The following STK4 variants were observed in gnomAD, a reference collection of about 807,000 sequenced individuals.
STK4 encodes the protein serine/threonine kinase 4.
In STK4, 30 loss-of-function variants were observed where a neutral mutation model predicts 64.9. That is an observed-to-expected ratio of 0.46 (90% confidence interval 0.35 to 0.63). STK4 has a LOEUF of 0.63. STK4 is among the 20% of genes least tolerant of loss of function. STK4 has a pLI of 0.01. For missense variants in STK4, 466 were observed against 598.5 expected, an observed-to-expected ratio of 0.78 and a Z score of 2.31; for synonymous variants, 177 against 199.0, an observed-to-expected ratio of 0.89 and a Z score of 0.93.
intron 1 of STK4, among the ~76,000 whole-genome samples, chr20:44,969,900 G>T (rs1461124485): frequency 6.6e-6 from 1 of 152,096 alleles, no homozygotes; most frequent in Non-Finnish European, 1.5e-5. Context: ...TACTTCTTAG[G>T]TGAAATTCTG....
At chr20:44,969,048 C>T (rs2067201874) in intron 1 of STK4, among the ~76,000 whole-genome samples, 1 of 152,042 alleles carries the variant, frequency 6.6e-6, no homozygotes, top group African/African-American at 2.4e-5. Context: ...TCCTTCTGTA[C>T]CTGTCAGTGT....
intron 7 of STK4, among the ~76,000 whole-genome samples, chr20:44,998,840 G>A (rs1166780988): frequency 6.6e-6 from 1 of 152,164 alleles, no homozygotes; most frequent in Non-Finnish European, 1.5e-5. Context: ...GGAGGCTGAG[G>A]CAGGCGGATC....
intron 10 of STK4, among the ~76,000 whole-genome samples, chr20:45,069,614 TA>T (rs1979883771): frequency 1.3e-5 from 2 of 152,228 alleles, no homozygotes; most frequent in African/African-American, 4.8e-5. Flanking sequence ...CTTTTAAGTT[TA>T]AAAGCTCCTT....
rs149802445 is a variant in STK4, at chr20:45,007,890, C to T, written c.1147+6537C>T. 984 of 317,358 alleles carry T rather than the reference C, an allele frequency of 3.1e-3. 8 individuals are homozygous for T. The highest frequency in any genetic ancestry group is 0.016 in the African/African-American group (742 of 45,650). 19.7% of individuals were successfully genotyped at this position (317,358 alleles called of 1,614,324 possible). A position where few individuals can be genotyped will look rare whatever the true frequency, so the allele number is the denominator to read the frequency against. On this transcript the variant is annotated intron_variant, in intron 9 of 10. Transcript: ENST00000372806. ...TTTTTCGACCCATGGTCCCCTTTCT[C>T]CCTCTCACCTCTAGTAGTCTGCAAT...
At chr20:44,983,034 A>G (rs1315668970) in intron 4 of STK4, among the ~76,000 whole-genome samples, 1 of 152,176 alleles carries the variant, frequency 6.6e-6, no homozygotes, top group Admixed American at 6.5e-5. Context: ...AGGAGCTAAG[A>G]GTCCTGAAGG....
At chr20:45,035,326 G>A (rs1317730337) in intron 10 of STK4, among the ~76,000 whole-genome samples, 7 of 152,052 alleles carry the variant, frequency 4.6e-5, no homozygotes. Flanking sequence ...AATAGAGCAA[G>A]ATACATTTTT....
chr20:44,969,477 A>G (rs915100637), intron 1 of STK4, among the ~76,000 whole-genome samples: 1 of 151,912 alleles, frequency 6.6e-6, no homozygotes, highest in Non-Finnish European at 1.5e-5. Context: ...AGTGCAGGAA[A>G]TGCCCTTTGT....
At position 45,076,034 on chromosome 20, in the gene STK4, C is replaced by T. The variant is rs1391097073; in HGVS notation, c.*858C>T. ...CAGCAAACACGGGACTGTGTTCAGT[C>T]CACAAAGGAAAAGCGTTTTTGAAGC... On this transcript the variant is annotated 3_prime_UTR_variant, in exon 11 of 11. Transcript: ENST00000372806. The surrounding 1 kb of genome is among the most constrained non-coding windows in gnomAD (Gnocchi z 4.0). The T allele has an allele frequency of 6.6e-6, 1 of 152,624 alleles. No individual in the cohort carries two copies. Among genetic ancestry groups the T allele is most frequent in the Non-Finnish European group, 1.5e-5 (1 of 68,058 alleles). The allele number at this position is 152,624 out of a possible 1,614,324, so 9.5% of individuals were successfully genotyped here.
chr20:45,025,898 T>C (rs2068335634), intron 10 of STK4, among the ~76,000 whole-genome samples: 1 of 152,234 alleles, frequency 6.6e-6, no homozygotes, highest in Admixed American at 6.5e-5. Flanking sequence ...GTTCTGGCTT[T>C]CCACTATACT....
intron 9 of STK4, among the ~76,000 whole-genome samples, chr20:45,006,860 C>T (rs2067955548): frequency 6.6e-6 from 1 of 152,098 alleles, no homozygotes; most frequent in Admixed American, 6.5e-5. Flanking sequence ...TTCTGGCTTC[C>T]CCTTTAACAG....
intron 3 of STK4, 81 bp downstream of exon 3, chr20:44,978,652 C>A (rs934883881): frequency 3.5e-6 from 5 of 1,417,066 alleles, no homozygotes; most frequent in Admixed American, 2.5e-5. Context: ...CCTAGAGACA[C>A]ATTTACTTAG....
chr20:44,984,186 G>GTTTTTTTTTTTTTTTTTTTTTTTTT (rs11397664), intron 4 of STK4, among the ~76,000 whole-genome samples: 2 of 76,054 alleles, frequency 2.6e-5, no homozygotes, highest in African/African-American at 5.3e-5. Flanking sequence ...TGTTGTCGTT[G>GTTTTTTTTTTTTTTTTTTTTTTTTT]TTTTTTTTTT....
intron 3 of STK4, among the ~76,000 whole-genome samples, chr20:44,980,313 T>C (rs527829442): frequency 2.6e-5 from 4 of 152,246 alleles, no homozygotes; most frequent in Non-Finnish European, 5.9e-5. Context: ...ACTGGCATGT[T>C]TCCTAAGGTT....
intron 10 of STK4, among the ~76,000 whole-genome samples, chr20:45,030,669 CTAATAGTGTT>C (rs1299869506): frequency 6.6e-6 from 1 of 152,052 alleles, no homozygotes; most frequent in African/African-American, 2.4e-5. Flanking sequence ...CCAAAAATTT[CTAATAGTGTT>C]TAAGATACAT....
At chr20:45,073,300 C>CT (rs1387088814) in intron 10 of STK4, among the ~76,000 whole-genome samples, 1 of 152,098 alleles carries the variant, frequency 6.6e-6, no homozygotes, top group Non-Finnish European at 1.5e-5. Context: ...TACCCACACT[C>CT]TCAAGTCTTC....
intron 10 of STK4, among the ~76,000 whole-genome samples, chr20:45,044,482 C>T (rs1182055564): frequency 1.3e-5 from 2 of 151,896 alleles, no homozygotes; most frequent in African/African-American, 2.4e-5. Context: ...CCCATCTCTA[C>T]AAAAAATAAA....
chr20:45,073,784 G>C (rs774901363), intron 10 of STK4, among the ~76,000 whole-genome samples: 3 of 152,130 alleles, frequency 2.0e-5, no homozygotes, highest in Non-Finnish European at 4.4e-5. Flanking sequence ...GTTGAACACT[G>C]GTGTATCCCT....
rs890842235 is a variant in STK4 at position 45,033,858 on chromosome 20, G to T, written c.1305+8728G>T. On this transcript the variant is annotated intron_variant, in intron 10 of 10. Transcript: ENST00000372806. The stretch of plus-strand genomic sequence containing the variant: ...GCCTTTCAAAGTGCTGGGATTACAG[G>T]TGTGAGCCACCATGCCCAGCCAATG... 3.5e-4 allele frequency among the ~76,000 whole-genome samples: 53 copies of T among 152,234 alleles called. 1 individual carries two copies. The highest frequency in any genetic ancestry group is 1.2e-3 in the African/African-American group (51 of 41,556).
At position 45,062,989 on chromosome 20, in the gene STK4, C is replaced by CTTTTTTTTTTTTTTTT. The variant is rs71197599; in HGVS notation, c.1306-12014_1306-11999dup. Among the ~76,000 whole-genome samples, 28 of 31,500 alleles carry CTTTTTTTTTTTTTTTT rather than the reference C, an allele frequency of 8.9e-4. 8 individuals are homozygous for CTTTTTTTTTTTTTTTT. The highest frequency in any genetic ancestry group is 1.2e-3 in the Non-Finnish European group (20 of 17,128). 20.7% of individuals were successfully genotyped at this position (31,500 alleles called of 152,430 possible). A position where few individuals can be genotyped will look rare whatever the true frequency, so the allele number is the denominator to read the frequency against. On this transcript the variant is annotated intron_variant, in intron 10 of 10. Coordinates refer to ENST00000372806, the MANE Select transcript of STK4 (RefSeq NM_006282.5). The stretch of plus-strand genomic sequence containing the variant: ...ACAGGTGTGAGCCACCGCACCCGGC[C>CTTTTTTTTTTTTTTTT]TTTTTTTTTTTTTTTTTTTTTTTTT...
Sources: gnomAD v4.1 joint callset for allele counts (sites outside exome capture counted in the v4.1 genomes callset) on GRCh38, gnomAD v4.1.1 for gene constraint, Gnocchi (gnomAD v3.1) non-coding constraint, MANE v1.5 for transcripts, NCBI Gene and HGNC (gene_info 2026-07-23, HGNC 2026-07-21) for gene names.